NUP153: variants seen among roughly 807,000 people sequenced by gnomAD.
NUP153 encodes the protein nuclear pore complex protein Nup153.
Under a neutral mutation model 134.6 loss-of-function variants are expected in NUP153, and 27 were observed. That is an observed-to-expected ratio of 0.20 (90% CI 0.15 to 0.28). NUP153 has a LOEUF of 0.28. NUP153 is among the 10% of genes least tolerant of loss of function. NUP153 has a pLI of 1.00. For missense variants in NUP153, 1,821 were observed against 1,731.3 expected (o/e 1.05, Z -0.92); for synonymous variants, 640 against 623.5 (o/e 1.03, Z -0.40).
chr6:17,702,684 G>C (rs1770196865), intron 1 of NUP153, among the ~76,000 whole-genome samples: 1 of 151,522 alleles, frequency 6.6e-6, no homozygotes. Context: ...CTCAAAAAAA[G>C]AAAGGAGAAA....
At position 17,661,772 on chromosome 6, in the gene NUP153, A is replaced by G; in HGVS notation, c.1276T>C (p.Ser426Pro). The G allele has an allele frequency of 1.2e-6, 2 of 1,612,456 alleles. No individual in the cohort carries two copies. The highest frequency in any genetic ancestry group is 1.7e-6 in the Non-Finnish European group (2 of 1,179,556). ...QNREQRESGF[S>P]YPNFSLPAAN... ...GCAGGCAAACTGAAATTTGGATATG[A>G]AAAGCCACTGGCAAATAAAAAGAAA... Residue 426 changes from serine (S) to proline (P), a missense_variant, in exon 11 of 22, where the codon TCA (serine) becomes CCA (proline). Coordinates refer to ENST00000262077, the MANE Select transcript of NUP153 (RefSeq NM_005124.4).
intron 2 of NUP153, among the ~76,000 whole-genome samples, chr6:17,683,324 G>C (rs1029582997): frequency 3.9e-5 from 6 of 152,160 alleles, no homozygotes; most frequent in Non-Finnish European, 8.8e-5. Context: ...GACTATGATA[G>C]CTATAGCCAT....
chr6:17,693,156 C>A (rs79376042), intron 1 of NUP153, among the ~76,000 whole-genome samples: 3,919 of 149,146 alleles, frequency 0.026, 77 homozygotes, highest in Non-Finnish European at 0.045. Flanking sequence ...TTTCTTTACT[C>A]ACTTTTCTTA....
intron 11 of NUP153, among the ~76,000 whole-genome samples, chr6:17,653,077 AC>A (rs777219143): frequency 4.0e-5 from 6 of 151,846 alleles, no homozygotes; most frequent in Non-Finnish European, 8.8e-5. Flanking sequence ...ACATGGTGAA[AC>A]CCTGTCTCTA....
intron 11 of NUP153, 146 bp from the exon 12 acceptor site, chr6:17,649,446 G>T: frequency 2.8e-6 from 2 of 716,132 alleles, no homozygotes; most frequent in Non-Finnish European, 4.2e-6. Flanking sequence ...AACTGAACAT[G>T]ATTTTTAATC....
chr6:17,686,071 C>T (rs1238283843), intron 2 of NUP153, among the ~76,000 whole-genome samples: 1 of 152,028 alleles, frequency 6.6e-6, no homozygotes, highest in Non-Finnish European at 1.5e-5. Context: ...TCGCTTGAGC[C>T]TGGAAGGTTG....
At chr6:17,685,100 T>G (rs890123006) in intron 2 of NUP153, among the ~76,000 whole-genome samples, 25 of 152,166 alleles carry the variant, frequency 1.6e-4, no homozygotes, top group African/African-American at 6.0e-4. Flanking sequence ...CAAACTCAAT[T>G]TGTAAAAAAT....
chr6:17,652,197 A>G (rs1236048355), intron 11 of NUP153, among the ~76,000 whole-genome samples: 1 of 152,224 alleles, frequency 6.6e-6, no homozygotes, highest in Non-Finnish European at 1.5e-5. Flanking sequence ...AAGATCTAAT[A>G]CTATCAGCTT....
chr6:17,706,871 C>A lies in NUP153; in HGVS notation c.-484G>T, dbSNP rs1472553106. The A allele has an allele frequency of 1.2e-5, 2 of 166,148 alleles. No individual in the cohort carries two copies. Among genetic ancestry groups the A allele is most frequent in the African/African-American group, 4.8e-5 (2 of 41,572 alleles). 10.3% of individuals were successfully genotyped at this position (166,148 alleles called of 1,614,324 possible). A position where few individuals can be genotyped will look rare whatever the true frequency, so the allele number is the denominator to read the frequency against. On this transcript the variant is annotated 5_prime_UTR_variant, in exon 1 of 22. Coordinates refer to ENST00000262077, the MANE Select transcript of NUP153 (RefSeq NM_005124.4). The surrounding 1 kb of genome is among the most constrained non-coding windows in gnomAD (Gnocchi z 5.9). Reference sequence around the variant, plus strand: ...TCGTCGTCGTCCCTGCAGCCTCCGCCGCCGTTGCGCCTATTACCCCTGCTA... The same window carrying A: ...TCGTCGTCGTCCCTGCAGCCTCCGCAGCCGTTGCGCCTATTACCCCTGCTA...
rs763302140 is a variant in NUP153, at chr6:17,629,096, G to A, written c.3103C>T (p.Pro1035Ser). 3.1e-6 allele frequency: 5 copies of A among 1,614,174 alleles called. No homozygotes were observed. Among genetic ancestry groups the A allele is most frequent in the Middle Eastern group, 1.6e-4 (1 of 6,062 alleles). The change falls in exon 18 of 22, where the codon CCT becomes TCT. Residue 1035 changes from proline to serine, a missense_variant. Transcript: ENST00000262077. ...TCAGAGGTCACTATGGTGTTAGCAG[G>A]AGCAGGGGTGGAGTTAATAACACCT... ...GTGVINSTPA[P>S]ANTIVTSENK...
intron 1 of NUP153, among the ~76,000 whole-genome samples, chr6:17,694,238 T>C (rs1769483582): frequency 6.6e-6 from 1 of 152,220 alleles, no homozygotes; most frequent in African/African-American, 2.4e-5. Context: ...ATTGATTGAA[T>C]GAAGAATAGT....
At chr6:17,621,548 TACA>T (rs574049191) in intron 20 of NUP153, among the ~76,000 whole-genome samples, 76 of 152,364 alleles carry the variant, frequency 5.0e-4, no homozygotes, top group African/African-American at 1.7e-3. Flanking sequence ...TGTCATTTAC[TACA>T]ACATCTATGG....
At chr6:17,635,495 G>A (rs866982193) in intron 16 of NUP153, among the ~76,000 whole-genome samples, 3 of 152,088 alleles carry the variant, frequency 2.0e-5, no homozygotes, top group South Asian at 2.1e-4. Flanking sequence ...TCTACCTCCC[G>A]AGCTCAAGCA....
chr6:17,691,915 C>A (rs550301051), intron 1 of NUP153, among the ~76,000 whole-genome samples: 9 of 152,270 alleles, frequency 5.9e-5, no homozygotes, highest in African/African-American at 1.9e-4. Context: ...GGGCTCTCAT[C>A]TCAGCCTTCC....
At chr6:17,700,879 A>G (rs1424351089) in intron 1 of NUP153, among the ~76,000 whole-genome samples, 2 of 152,180 alleles carry the variant, frequency 1.3e-5, no homozygotes, top group Admixed American at 6.5e-5. Context: ...CTTTCAGAAA[A>G]AGTTTACTGA....
In NUP153 at chr6:17,624,663, C is replaced by CAGGCTG. The variant is rs1764830226; in HGVS notation, c.4066_4071dup (p.Gln1356_Pro1357dup). ...GACACTGTCCCAAAAGTAGGTGGTGCAGGCTGAGAACCAGTGGGAAATAAT... is the reference window on the plus strand; with the variant it reads ...GACACTGTCCCAAAAGTAGGTGGTGCAGGCTGAGGCTGAGAACCAGTGGGAAATAAT... On this transcript the variant is annotated inframe_insertion, in exon 20 of 22. Coordinates refer to ENST00000262077, the MANE Select transcript of NUP153 (RefSeq NM_005124.4). The CAGGCTG allele has an allele frequency of 6.2e-7, 1 of 1,614,126 alleles. No individual in the cohort carries two copies. The highest frequency in any genetic ancestry group is 1.6e-4 in the Middle Eastern group (1 of 6,062).
chr6:17,651,887 A>G (rs1235708853), intron 11 of NUP153: 1 of 679,020 alleles, frequency 1.5e-6, no homozygotes, highest in Non-Finnish European at 2.7e-6. Flanking sequence ...TGAGCGCAGG[A>G]GCTCGAGATC....
chr6:17,651,451 CA>C (rs946230388), intron 11 of NUP153, among the ~76,000 whole-genome samples: 4 of 152,006 alleles, frequency 2.6e-5, no homozygotes, highest in African/African-American at 9.7e-5. Context: ...CCAACCATAT[CA>C]AAAATTATAT....
chr6:17,687,559 TAA>T lies in NUP153; in HGVS notation c.334+835_334+836del, dbSNP rs1769008793. Reference sequence around the variant, plus strand: ...AATTAGGTTTGCCATTTCTCTAAAATAAAAACCATTCTTTCAGGGCCATTTCA... The same window carrying T: ...AATTAGGTTTGCCATTTCTCTAAAATAAACCATTCTTTCAGGGCCATTTCA... On this transcript the variant is annotated intron_variant, in intron 2 of 21. Transcript: ENST00000262077. 2.6e-5 allele frequency among the ~76,000 whole-genome samples: 4 copies of T among 152,290 alleles called. No individual in the cohort carries two copies. The South Asian group carries it at 8.3e-4, about 32-fold the overall frequency.
Sources: allele counts gnomAD v4.1 joint callset (sites outside exome capture counted in the v4.1 genomes callset), GRCh38; gene constraint gnomAD v4.1.1; non-coding constraint Gnocchi (gnomAD v3.1); transcripts MANE v1.5; gene names NCBI Gene and HGNC (gene_info 2026-07-23, HGNC 2026-07-21).